Variants in ANXA3 observed in about 807,000 individuals in gnomAD.
ANXA3 encodes the protein annexin A3.
Under a neutral mutation model 48.8 loss-of-function variants are expected in ANXA3, and 46 were observed. That is an observed-to-expected ratio of 0.94 (90% CI 0.74 to 1.21). The LOEUF (loss-of-function observed/expected upper bound fraction) is 1.21, where lower values mean the gene tolerates loss of function less well. Among genes scored for constraint, ANXA3 ranks in the 50% most tolerant of loss-of-function variants. The pLI is 0.00. For missense variants in ANXA3, 383 were observed against 378.6 expected, an observed-to-expected ratio of 1.01 and a Z score of -0.10; for synonymous variants, 128 against 134.7, an observed-to-expected ratio of 0.95 and a Z score of 0.35.
chr4:78,609,891 C>T (rs908155380), intron 12 of ANXA3, among the ~76,000 whole-genome samples, 165 bp from the exon 13 acceptor site: 3 of 152,146 alleles, frequency 2.0e-5, no homozygotes, highest in Non-Finnish European at 4.4e-5. Context: ...AACGTAATTA[C>T]ACTCAGGTAT....
In ANXA3 at chr4:78,610,154, C is replaced by T. The variant is rs4612; in HGVS notation, c.*39C>T. The T allele has an allele frequency of 0.6, 887,423 of 1,488,580 alleles. 268,998 individuals are homozygous for T. Among genetic ancestry groups the T allele is most frequent in the Middle Eastern group, 0.65 (3,765 of 5,812 alleles). The allele number at this position is 1,488,580 out of a possible 1,614,324, so 92.2% of individuals were successfully genotyped here. A position where few individuals can be genotyped will look rare whatever the true frequency, so the allele number is the denominator to read the frequency against. ...TCTCCAAAGGTCCACGATGGGCTTT[C>T]CCAACAGCTCCACCTTACTTCTTCT... On this transcript the variant is annotated 3_prime_UTR_variant, in exon 13 of 13. Transcript: ENST00000264908.
chr4:78,553,379 TAAG>T (rs1371346600), intron 1 of ANXA3, among the ~76,000 whole-genome samples: 2 of 152,198 alleles, frequency 1.3e-5, no homozygotes, highest in Non-Finnish European at 2.9e-5. Context: ...TGCACACAGA[TAAG>T]AAGAATCTCC....
chr4:78,583,668 A>G (rs773435526), intron 5 of ANXA3, among the ~76,000 whole-genome samples: 2 of 152,024 alleles, frequency 1.3e-5, no homozygotes, highest in Non-Finnish European at 2.9e-5. Flanking sequence ...TTACATGATT[A>G]TGGGACTGGT....
At chr4:78,552,560 C>G (rs1480050795) in intron 1 of ANXA3, among the ~76,000 whole-genome samples, 1 of 147,852 alleles carries the variant, frequency 6.8e-6, no homozygotes. Context: ...GATTTGGATA[C>G]TTGATTGCAG....
In ANXA3 at chr4:78,604,299, C is replaced by G. The variant is rs1315495427; in HGVS notation, c.812C>G (p.Thr271Ser). 6.2e-7 allele frequency: 1 copy of G among 1,612,916 alleles called. No individual in the cohort carries two copies. Among genetic ancestry groups the G allele is most frequent in the African/African-American group, 1.3e-5 (1 of 74,888 alleles). The stretch of plus-strand genomic sequence containing the variant: ...CAGGGTATTGGAACTGATGAGTTTA[C>G]TCTGAACCGAATAATGGTGTCCAGA... ...ALKGIGTDEF[T>S]LNRIMVSRSE... Residue 271 changes from threonine to serine, a missense_variant, in exon 12 of 13, where the codon ACT becomes AGT. Coordinates refer to ENST00000264908, the MANE Select transcript of ANXA3 (RefSeq NM_005139.3).
chr4:78,609,607 C>A (rs1199050751), intron 12 of ANXA3, among the ~76,000 whole-genome samples: 1 of 152,182 alleles, frequency 6.6e-6, no homozygotes, highest in African/African-American at 2.4e-5. Flanking sequence ...AGTTTCCTAA[C>A]CTGTCTTTCT....
chr4:78,609,836 A>C (rs1484215936), intron 12 of ANXA3, among the ~76,000 whole-genome samples: 1 of 152,198 alleles, frequency 6.6e-6, no homozygotes, highest in African/African-American at 2.4e-5. Flanking sequence ...GCAGTATATC[A>C]GGAAGAATCT....
chr4:78,600,373 G>A (rs1268336750), intron 10 of ANXA3, among the ~76,000 whole-genome samples: 1 of 152,084 alleles, frequency 6.6e-6, no homozygotes. Context: ...CAGAAGGCAA[G>A]CTAAAGGGAA....
rs777425832 is a variant in ANXA3 at position 78,579,166 on chromosome 4, T to G, written c.198+45T>G. On this transcript the variant is annotated intron_variant, in intron 4 of 12. Coordinates refer to ENST00000264908, the MANE Select transcript of ANXA3 (RefSeq NM_005139.3). Reference sequence around the variant, plus strand: ...ACAGGCAGTAAAGAGATCATTAATGTACCATGGTCGCTCCCACATGGTTAT... The same window carrying G: ...ACAGGCAGTAAAGAGATCATTAATGGACCATGGTCGCTCCCACATGGTTAT... 29 of 1,376,600 alleles carry G rather than the reference T, an allele frequency of 2.1e-5. No homozygotes were observed. The South Asian group carries it at 3.4e-4, about 16-fold the overall frequency. The allele number at this position is 1,376,600 out of a possible 1,614,324, so 85.3% of individuals were successfully genotyped here.
At chr4:78,596,395 C>T (rs911927025) in intron 9 of ANXA3, among the ~76,000 whole-genome samples, 7 of 152,210 alleles carry the variant, frequency 4.6e-5, no homozygotes, top group African/African-American at 1.4e-4. Flanking sequence ...TGTGGGCACC[C>T]GCCCTCTTGC....
At chr4:78,556,301 T>C (rs1375422910) in intron 2 of ANXA3, among the ~76,000 whole-genome samples, 7 of 152,196 alleles carry the variant, frequency 4.6e-5, no homozygotes, top group Non-Finnish European at 8.8e-5. Flanking sequence ...TGTATGTGAA[T>C]TGACATTAAA....
intron 10 of ANXA3, 122 bp downstream of exon 10, chr4:78,597,536 A>G (rs886373892): frequency 2.0e-5 from 13 of 636,990 alleles, no homozygotes; most frequent in Non-Finnish European, 3.3e-5. Context: ...ACAGCCCCCA[A>G]CATGGTCCAG....
At chr4:78,601,766 A>G in intron 11 of ANXA3, 198 bp downstream of exon 11, 1 of 455,386 alleles carries the variant, frequency 2.2e-6, no homozygotes, top group South Asian at 5.6e-5. Flanking sequence ...CAAAATAAAC[A>G]GACCTGGGTT....
intron 12 of ANXA3, among the ~76,000 whole-genome samples, chr4:78,609,341 A>G (rs923628001): frequency 6.6e-6 from 1 of 152,234 alleles, no homozygotes; most frequent in African/African-American, 2.4e-5. Context: ...TTGAAAGCCA[A>G]GTTTTACCTC....
intron 7 of ANXA3, among the ~76,000 whole-genome samples, chr4:78,593,761 T>A (rs1316671415): frequency 6.8e-6 from 1 of 147,588 alleles, no homozygotes; most frequent in Non-Finnish European, 1.5e-5. Context: ...TTCAGCCTCC[T>A]GAGTAACTGG....
At chr4:78,564,293 C>T (rs958590192) in intron 2 of ANXA3, among the ~76,000 whole-genome samples, 6 of 152,154 alleles carry the variant, frequency 3.9e-5, no homozygotes, top group African/African-American at 1.4e-4. Flanking sequence ...CTAGAAAACA[C>T]TCAGCTTCTG....
At chr4:78,595,731 C>A in intron 8 of ANXA3, 63 bp from the exon 9 acceptor site, 3 of 1,029,268 alleles carry the variant, frequency 2.9e-6, no homozygotes, top group Non-Finnish European at 3.0e-6. Flanking sequence ...AACTCCGATT[C>A]TTCTCATGTC....
intron 3 of ANXA3, 148 bp downstream of exon 3, chr4:78,573,415 G>A: frequency 1.6e-6 from 1 of 621,208 alleles, no homozygotes; most frequent in South Asian, 2.0e-5. Flanking sequence ...GAAATATATA[G>A]AGAACCCAGT....
At chr4:78,598,886 G>T (rs1289610186) in intron 10 of ANXA3, among the ~76,000 whole-genome samples, 1 of 151,906 alleles carries the variant, frequency 6.6e-6, no homozygotes, top group Non-Finnish European at 1.5e-5. Flanking sequence ...TTTTCATTTG[G>T]TGTTCTTGCT....
Sources: allele counts gnomAD v4.1 joint callset (sites outside exome capture counted in the v4.1 genomes callset), GRCh38; gene constraint gnomAD v4.1.1; transcripts MANE v1.5; gene names NCBI Gene and HGNC (gene_info 2026-07-23, HGNC 2026-07-21).